Variants in PDE1A observed in about 807,000 individuals in gnomAD.
The protein encoded by PDE1A is dual specificity calcium/calmodulin-dependent 3',5'-cyclic nucleotide phosphodiesterase 1A.
A neutral mutation model predicts 61.7 loss-of-function variants in PDE1A; 35 were observed. The observed-to-expected ratio is 0.57, with a 90% CI of 0.43 to 0.75. The LOEUF (loss-of-function observed/expected upper bound fraction) is 0.75. PDE1A is among the 30% of genes least tolerant of loss of function. The probability of loss-of-function intolerance (pLI) is 0.00; values close to 1 mark genes in which losing one functional copy is unlikely to be tolerated. For missense variants in PDE1A, 597 were observed against 630.6 expected (o/e 0.95, Z 0.57); for synonymous variants, 232 against 213.2 (o/e 1.09, Z -0.77).
At chr2:182,457,289 C>T (rs12465755) in intron 2 of PDE1A, among the ~76,000 whole-genome samples, 27,701 of 151,690 alleles carry the variant, frequency 0.18, 3,046 homozygotes, top group Middle Eastern at 0.35. Flanking sequence ...TTTTATTGAC[C>T]TTGTCATGAA....
At chr2:182,442,751 C>T (rs1684876004) in intron 2 of PDE1A, among the ~76,000 whole-genome samples, 2 of 151,958 alleles carry the variant, frequency 1.3e-5, no homozygotes, top group African/African-American at 4.8e-5. Flanking sequence ...CTTGTTGCAA[C>T]TTTAATTTTT....
chr2:182,522,224 C>A, intron 2 of PDE1A: 3 of 1,467,026 alleles, frequency 2.0e-6, no homozygotes, highest in South Asian at 2.3e-5. Context: ...CAATTAGTCA[C>A]GTTAATAGTC....
intron 1 of PDE1A, among the ~76,000 whole-genome samples, chr2:182,406,435 G>A (rs1043708217): frequency 2.6e-5 from 4 of 151,610 alleles, no homozygotes; most frequent in Admixed American, 6.6e-5. Context: ...CATTTTAGGC[G>A]TTTGCTTATT....
intron 1 of PDE1A, among the ~76,000 whole-genome samples, chr2:182,368,034 A>C (rs1699930480): frequency 6.6e-6 from 1 of 152,042 alleles, no homozygotes; most frequent in African/African-American, 2.4e-5. Context: ...ATTACCATAC[A>C]TCCACCACTC....
chr2:182,593,389 A>G, the PDE1A span, among the ~76,000 whole-genome samples: 3 of 152,206 alleles, frequency 2.0e-5, no homozygotes, highest in East Asian at 1.9e-4. Flanking sequence ...CTAACAGAAG[A>G]GCACTGCAGT....
At chr2:182,457,133 C>A (rs1056547039) in intron 2 of PDE1A, among the ~76,000 whole-genome samples, 1 of 152,036 alleles carries the variant, frequency 6.6e-6, no homozygotes, top group Non-Finnish European at 1.5e-5. Flanking sequence ...GCGAGGTGTG[C>A]TCCATCTCAA....
chr2:182,219,104 C>A (rs897949924), intron 7 of PDE1A, among the ~76,000 whole-genome samples: 1 of 151,980 alleles, frequency 6.6e-6, no homozygotes, highest in Non-Finnish European at 1.5e-5. Context: ...TTTTTACTCT[C>A]TTATAATGTG....
At chr2:182,519,110 A>G (rs1192080717) in intron 2 of PDE1A, among the ~76,000 whole-genome samples, 5 of 152,106 alleles carry the variant, frequency 3.3e-5, no homozygotes, top group Admixed American at 3.3e-4. Context: ...AATGAAATTG[A>G]CAATCTTTGA....
At chr2:182,345,045 T>C (rs1574409433) in intron 1 of PDE1A, among the ~76,000 whole-genome samples, 1 of 152,218 alleles carries the variant, frequency 6.6e-6, no homozygotes, top group South Asian at 2.1e-4. Flanking sequence ...CTGGCTTGTT[T>C]TGGGGGCTAA....
At chr2:182,458,560 A>G (rs1046566228) in intron 2 of PDE1A, among the ~76,000 whole-genome samples, 11 of 152,164 alleles carry the variant, frequency 7.2e-5, no homozygotes, top group Admixed American at 5.2e-4. Context: ...AATCTTCCCA[A>G]TAATGCCCTA....
chr2:182,292,199 G>GCTCT (rs10667573), intron 1 of PDE1A, among the ~76,000 whole-genome samples: 10 of 151,500 alleles, frequency 6.6e-5, no homozygotes, highest in Non-Finnish European at 1.3e-4. Flanking sequence ...AAGACCAGAG[G>GCTCT]CTCTCTCTCT....
chr2:182,167,940 G>A (rs1323838394), exon 14 of PDE1A: 3 of 1,144,394 alleles, frequency 2.6e-6, no homozygotes, highest in Non-Finnish European at 3.2e-6. Context: ...GCAATTAGCT[G>A]CTCAAAGAAA....
the PDE1A span, among the ~76,000 whole-genome samples, chr2:182,577,517 AC>A: frequency 6.6e-6 from 1 of 152,334 alleles, no homozygotes; most frequent in South Asian, 2.1e-4. Context: ...AAATAGTCAC[AC>A]AAGACTTCTG....
chr2:182,340,927 A>G (rs1313042682), intron 1 of PDE1A, among the ~76,000 whole-genome samples: 1 of 152,192 alleles, frequency 6.6e-6, no homozygotes, highest in African/African-American at 2.4e-5. Context: ...TTGGATACGT[A>G]ATTTAACTTC....
chr2:182,607,908 G>A, the PDE1A span, among the ~76,000 whole-genome samples: 1 of 152,154 alleles, frequency 6.6e-6, no homozygotes, highest in African/African-American at 2.4e-5. Context: ...CAGACTCCAT[G>A]GGGACTAACA....
At chr2:182,227,752 T>C (rs1191072280) in intron 6 of PDE1A, among the ~76,000 whole-genome samples, 2 of 152,084 alleles carry the variant, frequency 1.3e-5, no homozygotes, top group Non-Finnish European at 2.9e-5. Context: ...TCTGACTGCT[T>C]CCTGAGTCCA....
upstream of PDE1A, among the ~76,000 whole-genome samples, chr2:182,526,887 C>T (rs2125996188): frequency 6.6e-6 from 1 of 152,176 alleles, no homozygotes; most frequent in East Asian, 1.9e-4. Context: ...GAACCACACC[C>T]TCATTTGTTT....
chr2:182,403,240 A>G (rs1702106626), intron 1 of PDE1A, among the ~76,000 whole-genome samples: 1 of 152,222 alleles, frequency 6.6e-6, no homozygotes, highest in Admixed American at 6.5e-5. Flanking sequence ...TTATTGCGGC[A>G]CTGTTTACAA....
intron 1 of PDE1A, among the ~76,000 whole-genome samples, chr2:182,302,106 T>C (rs193298216): frequency 3.3e-5 from 5 of 152,262 alleles, no homozygotes; most frequent in Non-Finnish European, 1.5e-5. Flanking sequence ...CAGTGGATAT[T>C]AATAGTGGTA....
Sources: gnomAD v4.1 joint callset for allele counts (sites outside exome capture counted in the v4.1 genomes callset) on GRCh38, gnomAD v4.1.1 for gene constraint, MANE v1.5 for transcripts, NCBI Gene and HGNC (gene_info 2026-07-23, HGNC 2026-07-21) for gene names.